Variants in AUH observed in about 807,000 individuals in gnomAD.
AUH encodes the protein AU RNA binding methylglutaconyl-CoA hydratase, also known as methylglutaconyl-CoA hydratase, mitochondrial.
Under a neutral mutation model 42.3 loss-of-function variants are expected in AUH, and 29 were observed. The ratio of observed to expected loss-of-function variants is 0.69; its 90% CI spans 0.51 to 0.93. The LOEUF is 0.93. AUH is among the 40% of genes least tolerant of loss of function. The pLI is 0.00. For missense variants in AUH, 452 were observed against 438.1 expected (o/e 1.03, Z -0.28); for synonymous variants, 174 against 166.4 (o/e 1.05, Z -0.35).
At chr9:91,231,725 AC>A (rs1318877590) in intron 6 of AUH, among the ~76,000 whole-genome samples, 1 of 152,090 alleles carries the variant, frequency 6.6e-6, no homozygotes, top group African/African-American at 2.4e-5. Context: ...TCAAACTCAC[AC>A]TGTCCATCCC....
chr9:91,241,829 G>T (rs755818902), intron 6 of AUH, among the ~76,000 whole-genome samples: 1 of 152,150 alleles, frequency 6.6e-6, no homozygotes, highest in African/African-American at 2.4e-5. Flanking sequence ...AATCAACTAT[G>T]TAATATTTCC....
chr9:91,321,552 G>C (rs1261129676), intron 4 of AUH, among the ~76,000 whole-genome samples: 1 of 152,136 alleles, frequency 6.6e-6, no homozygotes, highest in Non-Finnish European at 1.5e-5. Context: ...AGCCAAGCAT[G>C]CATCAAGTTG....
chr9:91,269,885 C>A (rs1314595180), intron 6 of AUH, among the ~76,000 whole-genome samples: 1 of 152,110 alleles, frequency 6.6e-6, no homozygotes, highest in Non-Finnish European at 1.5e-5. Context: ...TGACATGATA[C>A]CCAGATCTGT....
chr9:91,346,475 G>A (rs7868771), intron 3 of AUH, among the ~76,000 whole-genome samples: 15,122 of 152,174 alleles, frequency 0.099, 1,055 homozygotes, highest in East Asian at 0.33. Flanking sequence ...TCCTCCACTT[G>A]ACTGTTCCTC....
chr9:91,303,321 G>A (rs1827951384), intron 4 of AUH, among the ~76,000 whole-genome samples: 1 of 152,096 alleles, frequency 6.6e-6, no homozygotes, highest in South Asian at 2.1e-4. Context: ...GAAAATGTTA[G>A]TGTCAGACGC....
chr9:91,217,344 A>G lies in AUH; in HGVS notation c.844-17T>C. On this transcript the variant is annotated splice_polypyrimidine_tract_variant and intron_variant, in intron 7 of 9. Coordinates refer to ENST00000375731, the MANE Select transcript of AUH (RefSeq NM_001698.3). The stretch of plus-strand genomic sequence containing the variant: ...AACAGGTCCCTAAAATTCAAATTAA[A>G]GAAACAGACTTCAATTATTTTTTAT... The G allele has an allele frequency of 1.2e-6, 2 of 1,609,326 alleles. No homozygotes were observed. Among genetic ancestry groups the G allele is most frequent in the African/African-American group, 2.7e-5 (2 of 74,982 alleles).
At chr9:91,307,090 G>C (rs1828283370) in intron 4 of AUH, among the ~76,000 whole-genome samples, 1 of 152,194 alleles carries the variant, frequency 6.6e-6, no homozygotes, top group Non-Finnish European at 1.5e-5. Flanking sequence ...GGGTAGCAGG[G>C]AGGGGCAAAA....
intron 3 of AUH, among the ~76,000 whole-genome samples, chr9:91,338,072 A>C (rs1390884281): frequency 6.6e-6 from 1 of 152,214 alleles, no homozygotes; most frequent in African/African-American, 2.4e-5. Context: ...TGGAAACTCA[A>C]CCAGTAAAAT....
chr9:91,345,876 C>T (rs1831469616), intron 3 of AUH, among the ~76,000 whole-genome samples: 1 of 149,216 alleles, frequency 6.7e-6, no homozygotes, highest in African/African-American at 2.5e-5. Context: ...TGACATAACT[C>T]ACACATATAC....
chr9:91,301,845 A>C (rs1284858677), intron 4 of AUH, among the ~76,000 whole-genome samples: 3 of 152,218 alleles, frequency 2.0e-5, no homozygotes, highest in Non-Finnish European at 4.4e-5. Flanking sequence ...AAAATGGGAT[A>C]CTAATTCTCA....
intron 6 of AUH, among the ~76,000 whole-genome samples, chr9:91,259,927 C>CTG (rs1318551768): frequency 1.3e-5 from 2 of 152,032 alleles, no homozygotes; most frequent in African/African-American, 4.8e-5. Flanking sequence ...AAATTGTTTC[C>CTG]TAATACACCT....
chr9:91,348,056 C>A (rs572786267), intron 3 of AUH, among the ~76,000 whole-genome samples: 13 of 150,100 alleles, frequency 8.7e-5, no homozygotes, highest in Admixed American at 2.6e-4. Context: ...AGATAAAAGT[C>A]TTGTATCAAG....
At chr9:91,270,783 A>G (rs543426987) in intron 6 of AUH, among the ~76,000 whole-genome samples, 15 of 152,274 alleles carry the variant, frequency 9.9e-5, no homozygotes, top group Admixed American at 3.9e-4. Context: ...CACAATCCAA[A>G]TAAGTTTGCA....
intron 3 of AUH, among the ~76,000 whole-genome samples, chr9:91,350,220 T>C (rs1049686324): frequency 5.3e-5 from 8 of 152,200 alleles, no homozygotes; most frequent in African/African-American, 1.9e-4. Context: ...ACCTTCTCAA[T>C]GTAGGGCCAC....
chr9:91,305,154 G>A (rs1007411728), intron 4 of AUH, among the ~76,000 whole-genome samples: 1 of 152,062 alleles, frequency 6.6e-6, no homozygotes, highest in African/African-American at 2.4e-5. Flanking sequence ...TCAATTAGAA[G>A]AGAACACCTA....
intron 6 of AUH, among the ~76,000 whole-genome samples, chr9:91,287,286 A>C (rs1257422030): frequency 6.6e-6 from 1 of 152,134 alleles, no homozygotes; most frequent in African/African-American, 2.4e-5. Flanking sequence ...ATTCCACATA[A>C]TTACAGACTG....
chr9:91,318,542 A>C (rs1044099080), intron 4 of AUH, among the ~76,000 whole-genome samples: 1 of 152,192 alleles, frequency 6.6e-6, no homozygotes, highest in African/African-American at 2.4e-5. Context: ...ATGTTTCCTT[A>C]GAAGCTTCAG....
intron 3 of AUH, among the ~76,000 whole-genome samples, chr9:91,335,244 T>G (rs555149855): frequency 8.5e-5 from 13 of 152,368 alleles, no homozygotes; most frequent in African/African-American, 3.1e-4. Context: ...ATGCTTCAAT[T>G]TCCACATTGC....
intron 3 of AUH, among the ~76,000 whole-genome samples, chr9:91,345,596 G>A (rs1564123038): frequency 6.6e-6 from 1 of 152,132 alleles, no homozygotes; most frequent in Non-Finnish European, 1.5e-5. Context: ...CACTTTGGGA[G>A]GCCGAGGCAG....
Sources: gnomAD v4.1 joint callset for allele counts (sites outside exome capture counted in the v4.1 genomes callset) on GRCh38, gnomAD v4.1.1 for gene constraint, MANE v1.5 for transcripts, NCBI Gene and HGNC (gene_info 2026-07-23, HGNC 2026-07-21) for gene names.